The following RNF44 variants were observed in gnomAD, a reference collection of about 807,000 sequenced individuals.
The protein encoded by RNF44 is ring finger protein 44.
Under a neutral mutation model 53.6 loss-of-function variants are expected in RNF44, and 25 were observed. That is an observed-to-expected ratio of 0.47 (90% confidence interval 0.34 to 0.65). The LOEUF is 0.65. RNF44 is among the 30% of genes least tolerant of loss of function. The pLI is 0.01. For missense variants in RNF44, 581 were observed against 595.5 expected, an observed-to-expected ratio of 0.98 and a Z score of 0.25; for synonymous variants, 282 against 252.2, an observed-to-expected ratio of 1.12 and a Z score of -1.12.
upstream of RNF44, chr5:176,537,650 G>T (rs1277191895): frequency 6.6e-6 from 1 of 152,258 alleles, no homozygotes; most frequent in Non-Finnish European, 1.5e-5. Context: ...ATGCAAACTC[G>T]CTAACTACTC....
chr5:176,533,779 C>G (rs1360745900), intron 1 of RNF44, among the ~76,000 whole-genome samples: 1 of 152,222 alleles, frequency 6.6e-6, no homozygotes, highest in Non-Finnish European at 1.5e-5. Context: ...TTCCGCTCAA[C>G]TCAAAGTTGG....
At chr5:176,537,979 G>T (rs1220065109), upstream of RNF44, 1 of 152,178 alleles carries the variant, frequency 6.6e-6, no homozygotes, top group African/African-American at 2.4e-5. Flanking sequence ...GGCCCAGATT[G>T]CCCAACAGAC....
In RNF44 at chr5:176,527,902, A is replaced by C. The variant is rs1328112963; in HGVS notation, c.*1126T>G. On this transcript the variant is annotated 3_prime_UTR_variant, in exon 11 of 11. Transcript: ENST00000274811. ...TCCTCCTGGGACTTCCTTGGAGGAGATTCGCCCAGGCAGGTGGGAGTTGGG... is the reference window on the plus strand; with the variant it reads ...TCCTCCTGGGACTTCCTTGGAGGAGCTTCGCCCAGGCAGGTGGGAGTTGGG... 1 of 152,376 alleles carries C rather than the reference A, an allele frequency of 6.6e-6. No individual in the cohort carries two copies. The highest frequency in any genetic ancestry group is 1.5e-5 in the Non-Finnish European group (1 of 68,052). 9.4% of individuals were successfully genotyped at this position (152,376 alleles called of 1,614,324 possible).
At chr5:176,532,651 G>A (rs1162910006) in intron 1 of RNF44, 135 bp from the exon 2 acceptor site, 2 of 646,172 alleles carry the variant, frequency 3.1e-6, no homozygotes, top group Non-Finnish European at 4.8e-6. Context: ...GCTGAGGCAT[G>A]AGAATCGCTT....
Position 176,531,814 on chromosome 5 carries a change from G to T in RNF44, c.298-184C>A. 1 of 859,756 alleles carries T rather than the reference G, an allele frequency of 1.2e-6. No homozygotes were observed. The highest frequency in any genetic ancestry group is 1.8e-6 in the Non-Finnish European group (1 of 568,282). 53.3% of individuals were successfully genotyped at this position (859,756 alleles called of 1,614,324 possible). A position where few individuals can be genotyped will look rare whatever the true frequency, so the allele number is the denominator to read the frequency against. On this transcript the variant is annotated intron_variant, in intron 3 of 10. Transcript: ENST00000274811. The surrounding 1 kb of genome is among the most constrained non-coding windows in gnomAD (Gnocchi z 4.2). ...CCCCGGGGCAGAGAAAGCCCCGTGG[G>T]AATCTAGCTCTGCTAGTCACCCAGT...
chr5:176,531,529 C>T lies in RNF44; in HGVS notation c.399G>A (p.Gln133=). ...TGQHIPGCSA[Q]QLPACSVMFS... ...ACATCACGGAGCATGCTGGGAGCTGCTGGGCACTGCAGCCAGGGATGTGCT... is the reference window on the plus strand; with the variant it reads ...ACATCACGGAGCATGCTGGGAGCTGTTGGGCACTGCAGCCAGGGATGTGCT... Residue 133 remains glutamine (Q), a synonymous_variant, in exon 4 of 11, where the codon CAG becomes CAA. Transcript: ENST00000274811. The surrounding 1 kb of genome is among the most constrained non-coding windows in gnomAD (Gnocchi z 4.2). 6.2e-7 allele frequency: 1 copy of T among 1,609,644 alleles called. No homozygotes were observed. Among genetic ancestry groups the T allele is most frequent in the Admixed American group, 1.7e-5 (1 of 59,336 alleles).
chr5:176,534,829 G>A (rs1043737002), intron 1 of RNF44, among the ~76,000 whole-genome samples: 14 of 152,236 alleles, frequency 9.2e-5, no homozygotes, highest in South Asian at 2.1e-4. Flanking sequence ...AGCTGGAATC[G>A]TGAGTGCGCA....
chr5:176,532,699 G>A (rs1214640058), intron 1 of RNF44, among the ~76,000 whole-genome samples, 183 bp from the exon 2 acceptor site: 1 of 126,064 alleles, frequency 7.9e-6, no homozygotes, highest in Non-Finnish European at 1.6e-5. Context: ...GCTGAGCTGA[G>A]ATCGCACCAC....
At position 176,527,409 on chromosome 5, in the gene RNF44, T is replaced by C. The variant is rs1004166346; in HGVS notation, c.*1619A>G. ...CTGTTTCCGCCTGCCCCAGGAACTG[T>C]AAGGGGTTTGAAAACGTTTTGTTGG... On this transcript the variant is annotated 3_prime_UTR_variant, in exon 11 of 11. Transcript: ENST00000274811. 1.4e-4 allele frequency: 21 copies of C among 152,608 alleles called. No homozygotes were observed. Among genetic ancestry groups the C allele is most frequent in the African/African-American group, 4.6e-4 (19 of 41,514 alleles). 9.5% of individuals were successfully genotyped at this position (152,608 alleles called of 1,614,324 possible).
At chr5:176,536,569 G>C (rs1295824279) in intron 1 of RNF44, among the ~76,000 whole-genome samples, 6 of 152,232 alleles carry the variant, frequency 3.9e-5, no homozygotes, top group African/African-American at 1.4e-4. Flanking sequence ...CTCTCGGAGG[G>C]ACACCGGGGG....
rs1329794828 is a variant in RNF44 at position 176,531,500 on chromosome 5, C to T, written c.428G>A (p.Ser143Asn). 6.3e-7 allele frequency: 1 copy of T among 1,592,996 alleles called. No individual in the cohort carries two copies. Among genetic ancestry groups the T allele is most frequent in the Non-Finnish European group, 8.5e-7 (1 of 1,170,304 alleles). Reference sequence around the variant, plus strand: ...GCAGCAGAGGGGGTAATGCTGCCCACTGAACATCACGGAGCATGCTGGGAG... The same window carrying T: ...GCAGCAGAGGGGGTAATGCTGCCCATTGAACATCACGGAGCATGCTGGGAG... Reference protein sequence around the residue: ...QQLPACSVMFSGQHYPLCCLP... With the variant: ...QQLPACSVMFNGQHYPLCCLP... The change falls in exon 4 of 11, where the codon AGT becomes AAT. Residue 143 changes from serine (S) to asparagine (N), a missense_variant. Ser to Asn is a conservative substitution (Grantham distance 46). Coordinates refer to ENST00000274811, the MANE Select transcript of RNF44 (RefSeq NM_014901.5). This position sits in a 1 kb window ranked among gnomAD's most constrained non-coding sequence, Gnocchi z 4.2.
Position 176,530,699 on chromosome 5 carries a change from C to T in RNF44, c.684G>A (p.Gln228=). The change falls in exon 6 of 11, where the codon CAG becomes CAA. Residue 228 remains glutamine (Q), a synonymous_variant. Coordinates refer to ENST00000274811, the MANE Select transcript of RNF44 (RefSeq NM_014901.5). ...AGTAGGTGAAGCTGCCCAGGGAGGG[C>T]TGGTCCCCACGCAGGTCCACGTCGT... ...LDNDVDLRGD[Q]PSLGSFTYST... The T allele has an allele frequency of 6.5e-7, 1 of 1,550,072 alleles. No individual in the cohort carries two copies. The highest frequency in any genetic ancestry group is 8.7e-7 in the Non-Finnish European group (1 of 1,150,888).
At chr5:176,529,932 G>C in intron 7 of RNF44, 114 bp from the exon 8 acceptor site, 2 of 1,388,562 alleles carry the variant, frequency 1.4e-6, no homozygotes, top group Non-Finnish European at 9.7e-7. Flanking sequence ...GCGGGGAAGG[G>C]AGCCCAGCTG....
intron 1 of RNF44, among the ~76,000 whole-genome samples, chr5:176,534,735 C>T (rs1360803447): frequency 6.6e-6 from 1 of 152,206 alleles, no homozygotes; most frequent in African/African-American, 2.4e-5. Flanking sequence ...ATGCTGTTTC[C>T]CCGGCGCCAA....
Position 176,531,394 on chromosome 5 carries a change from CCCGCTGAGCCGCTGGCCTGTGCCTGGGG to C in RNF44, c.465+41_465+68del, listed in dbSNP as rs948210082. ...CAGCCCAGTTCAGGGCTGCCCTGGG[CCCGCTGAGCCGCTGGCCTGTGCCTGGGG>C]CTTGCAGCTGGTGGAGGAGGAGCTA... On this transcript the variant is annotated intron_variant, in intron 4 of 10. Coordinates refer to ENST00000274811, the MANE Select transcript of RNF44 (RefSeq NM_014901.5). The surrounding 1 kb of genome is among the most constrained non-coding windows in gnomAD (Gnocchi z 4.2). The C allele has an allele frequency of 3.4e-6, 5 of 1,468,524 alleles. No individual in the cohort carries two copies. In the African/African-American group the frequency reaches 5.6e-5, roughly 16 times the overall value. The allele number at this position is 1,468,524 out of a possible 1,614,324, so 91.0% of individuals were successfully genotyped here. A position where few individuals can be genotyped will look rare whatever the true frequency, so the allele number is the denominator to read the frequency against.
chr5:176,538,043 G>A (rs1480557903), upstream of RNF44: 1 of 152,200 alleles, frequency 6.6e-6, no homozygotes, highest in Non-Finnish European at 1.5e-5. Context: ...AAGGAGATTG[G>A]CCCTGCTCGC....
chr5:176,542,081 C>G (rs1757460508), upstream of RNF44, among the ~76,000 whole-genome samples: 1 of 152,246 alleles, frequency 6.6e-6, no homozygotes, highest in Non-Finnish European at 1.5e-5. Flanking sequence ...GAGGTGCTCC[C>G]CGTCTGGGGC....
upstream of RNF44, among the ~76,000 whole-genome samples, chr5:176,538,944 A>G (rs1212850456): frequency 1.3e-5 from 2 of 152,242 alleles, no homozygotes; most frequent in African/African-American, 4.8e-5. Context: ...TATATTGCAC[A>G]TTAGCTCTTT....
rs777338604 is a variant in RNF44, at chr5:176,532,450, A to T, written c.23T>A (p.Val8Glu). The change falls in exon 2 of 11, where the codon GTG becomes GAG. Residue 8 changes from valine (V) to glutamate (E), a missense_variant. By Grantham distance (121) the Val-to-Glu change is moderately radical (BLOSUM62 -2). Around this residue, in one of 3 missense-constraint regions of RNF44, gnomAD observed 387 missense variants for 366.0 expected, o/e 1.06. Coordinates refer to ENST00000274811, the MANE Select transcript of RNF44 (RefSeq NM_014901.5). MRPWALA[V>E]TRWPPSAPVG... ...GGGGGCGGAGGGTGGCCACCTAGTC[A>T]CTGCCAGAGCCCATGGTCGCATCGG... 3.1e-6 allele frequency: 5 copies of T among 1,592,366 alleles called. No homozygotes were observed. In the South Asian group the frequency reaches 3.3e-5, roughly 11 times the overall value.
Sources: allele counts gnomAD v4.1 joint callset (sites outside exome capture counted in the v4.1 genomes callset), GRCh38; gene constraint gnomAD v4.1.1; regional missense constraint gnomAD v4.1.1; non-coding constraint Gnocchi (gnomAD v3.1); transcripts MANE v1.5; gene names NCBI Gene and HGNC (gene_info 2026-07-23, HGNC 2026-07-21).